The following CCDC85A variants were observed in gnomAD, a reference collection of about 807,000 sequenced individuals.
The protein encoded by CCDC85A is coiled-coil domain containing 85A.
CCDC85A carries 38 observed loss-of-function variants against 50.2 expected under a neutral mutation model. That is an observed-to-expected ratio of 0.76 (90% confidence interval 0.58 to 0.99). The LOEUF is 0.99. CCDC85A is among the 50% of genes least tolerant of loss of function. The probability of loss-of-function intolerance (pLI) is 0.00; values close to 1 mark genes in which losing one functional copy is unlikely to be tolerated. For missense variants in CCDC85A, 820 were observed against 742.0 expected (o/e 1.11, Z -1.22); for synonymous variants, 366 against 301.4 (o/e 1.21, Z -2.22).
intron 3 of CCDC85A, among the ~76,000 whole-genome samples, chr2:56,360,699 A>C (rs961152400): frequency 6.6e-6 from 1 of 152,192 alleles, no homozygotes; most frequent in African/African-American, 2.4e-5. Context: ...AACTGTGTTA[A>C]GCAAGAAGCT....
In CCDC85A at chr2:56,379,715, A is replaced by G. The variant is rs570832930; in HGVS notation, c.1572+3780A>G. 8 of 756,902 alleles carry G rather than the reference A, an allele frequency of 1.1e-5. No homozygotes were observed. In the East Asian group the frequency reaches 3.9e-4, roughly 37 times the overall value. The allele number at this position is 756,902 out of a possible 1,614,324, so 46.9% of individuals were successfully genotyped here. A position where few individuals can be genotyped will look rare whatever the true frequency, so the allele number is the denominator to read the frequency against. The stretch of plus-strand genomic sequence containing the variant: ...TATCATAACTAACAAGCTTTTTTCC[A>G]TGTGAAATTTGCTTTTCTTTTTCAA... On this transcript the variant is annotated intron_variant, in intron 5 of 5. Coordinates refer to ENST00000407595, the MANE Select transcript of CCDC85A (RefSeq NM_001080433.2).
rs1676792893 is a variant in CCDC85A at position 56,385,705 on chromosome 2, T to A, written c.*1350T>A. ...TTAGATGGGCTCATTACATAACGAG[T>A]TAATTGTCACTAGTAGGAGACTGTG... On this transcript the variant is annotated 3_prime_UTR_variant, in exon 6 of 6. Transcript: ENST00000407595. 6.6e-6 allele frequency: 1 copy of A among 151,848 alleles called. No individual in the cohort carries two copies. Among genetic ancestry groups the A allele is most frequent in the Non-Finnish European group, 1.5e-5 (1 of 67,784 alleles). 9.4% of individuals were successfully genotyped at this position (151,848 alleles called of 1,614,324 possible).
At chr2:56,305,838 A>G (rs894678175) in intron 2 of CCDC85A, among the ~76,000 whole-genome samples, 8 of 152,210 alleles carry the variant, frequency 5.3e-5, no homozygotes, top group African/African-American at 1.7e-4. Context: ...TTGTGTAATC[A>G]GCATTGCTGA....
chr2:56,289,669 C>T (rs1379517304), intron 2 of CCDC85A, among the ~76,000 whole-genome samples: 2 of 152,078 alleles, frequency 1.3e-5, no homozygotes, highest in African/African-American at 2.4e-5. Context: ...CAGTGGTCAT[C>T]CCTACCATCT....
chr2:56,367,960 T>TAGCTTCTCCAAAGTCATGC (rs1553418690), intron 3 of CCDC85A, among the ~76,000 whole-genome samples: 29 of 151,066 alleles, frequency 1.9e-4, no homozygotes, highest in Non-Finnish European at 3.4e-4. Flanking sequence ...AAAGGCCATA[T>TAGCTTCTCCAAAGTCATGC]AGCTTGTCCA....
intron 2 of CCDC85A, among the ~76,000 whole-genome samples, chr2:56,220,654 C>T (rs1028568644): frequency 6.6e-6 from 1 of 151,956 alleles, no homozygotes; most frequent in African/African-American, 2.4e-5. Context: ...TATTTCTTCT[C>T]AGTAGTGAAA....
rs1048611976 is a variant in CCDC85A at position 56,184,420 on chromosome 2, G to C, written c.-205G>C. The C allele has an allele frequency of 3.6e-6, 2 of 557,016 alleles. No individual in the cohort carries two copies. Among genetic ancestry groups the C allele is most frequent in the Non-Finnish European group, 5.2e-6 (2 of 385,834 alleles). 34.5% of individuals were successfully genotyped at this position (557,016 alleles called of 1,614,324 possible). A position where few individuals can be genotyped will look rare whatever the true frequency, so the allele number is the denominator to read the frequency against. On this transcript the variant is annotated 5_prime_UTR_variant, in exon 1 of 6. Coordinates refer to ENST00000407595, the MANE Select transcript of CCDC85A (RefSeq NM_001080433.2). The stretch of plus-strand genomic sequence containing the variant: ...CAAGCGGCTGGCTGCCGGGCCCTGG[G>C]GGAGCGCGGGCGCGCGCGCGGGGAT...
chr2:56,356,693 TC>T (rs1374599918), intron 3 of CCDC85A, among the ~76,000 whole-genome samples: 2 of 143,262 alleles, frequency 1.4e-5, no homozygotes, highest in Non-Finnish European at 1.5e-5. Flanking sequence ...CCACTGCACT[TC>T]AGCCTGGCCG....
intron 2 of CCDC85A, among the ~76,000 whole-genome samples, chr2:56,243,740 T>C (rs1384105071): frequency 1.3e-5 from 2 of 152,174 alleles, no homozygotes; most frequent in African/African-American, 4.8e-5. Context: ...TTTACTGTAG[T>C]CTTCACAGTC....
intron 2 of CCDC85A, among the ~76,000 whole-genome samples, chr2:56,221,263 A>G (rs1668315035): frequency 6.6e-6 from 1 of 152,088 alleles, no homozygotes; most frequent in Admixed American, 6.6e-5. Flanking sequence ...TGGTCTCATC[A>G]TGAAGTTTTA....
At chr2:56,202,461 G>A (rs1298580199) in intron 2 of CCDC85A, among the ~76,000 whole-genome samples, 1 of 152,154 alleles carries the variant, frequency 6.6e-6, no homozygotes, top group Non-Finnish European at 1.5e-5. Context: ...ACCTTAGTCT[G>A]GTCCTTACAT....
chr2:56,312,148 A>G (rs1672724513), intron 2 of CCDC85A, among the ~76,000 whole-genome samples: 1 of 152,090 alleles, frequency 6.6e-6, no homozygotes, highest in Non-Finnish European at 1.5e-5. Flanking sequence ...TAACTTGCAG[A>G]CTAATTTTTG....
intron 2 of CCDC85A, among the ~76,000 whole-genome samples, chr2:56,339,855 C>T (rs1674269255): frequency 6.6e-6 from 1 of 152,084 alleles, no homozygotes; most frequent in South Asian, 2.1e-4. Context: ...AAGAGTAAAG[C>T]AGACTCATGA....
intron 2 of CCDC85A, among the ~76,000 whole-genome samples, chr2:56,256,273 A>G (rs1447367034): frequency 6.6e-6 from 1 of 152,188 alleles, no homozygotes; most frequent in African/African-American, 2.4e-5. Flanking sequence ...TATAGAATGA[A>G]CCTCCTGGTT....
intron 2 of CCDC85A, among the ~76,000 whole-genome samples, chr2:56,312,018 C>G (rs13421201): frequency 0.049 from 7,426 of 152,104 alleles, 612 homozygotes; most frequent in African/African-American, 0.17. Flanking sequence ...TAGATAAGGA[C>G]GGTCGGGGCA....
chr2:56,354,570 G>A (rs1015327267), intron 3 of CCDC85A, among the ~76,000 whole-genome samples: 3 of 152,184 alleles, frequency 2.0e-5, no homozygotes, highest in African/African-American at 7.2e-5. Context: ...AATTGTAGGA[G>A]GCACACAGTG....
chr2:56,360,646 T>G (rs2104367329), intron 3 of CCDC85A, among the ~76,000 whole-genome samples: 1 of 152,334 alleles, frequency 6.6e-6, no homozygotes, highest in East Asian at 1.9e-4. Context: ...CCTCAAAATT[T>G]TGGCCATTTT....
intron 2 of CCDC85A, among the ~76,000 whole-genome samples, chr2:56,334,519 A>G (rs894761933): frequency 2.0e-5 from 3 of 152,220 alleles, no homozygotes; most frequent in African/African-American, 7.2e-5. Context: ...GTTGAGGAAA[A>G]GGAAAATTGA....
At chr2:56,350,959 G>T (rs1352517157) in intron 3 of CCDC85A, among the ~76,000 whole-genome samples, 1 of 143,976 alleles carries the variant, frequency 6.9e-6, no homozygotes, top group Non-Finnish European at 1.5e-5. Flanking sequence ...CCATTAACTC[G>T]TCATTTAGCA....
Sources: allele counts gnomAD v4.1 joint callset (sites outside exome capture counted in the v4.1 genomes callset), GRCh38; gene constraint gnomAD v4.1.1; transcripts MANE v1.5; gene names NCBI Gene and HGNC (gene_info 2026-07-23, HGNC 2026-07-21).